Variants in PRKCE observed in about 807,000 individuals in gnomAD.
PRKCE encodes protein kinase C epsilon type.
A neutral mutation model predicts 85.4 loss-of-function variants in PRKCE; 16 were observed. The observed-to-expected ratio is 0.19, with a 90% CI of 0.13 to 0.28. PRKCE has a LOEUF of 0.28. Among genes scored for constraint, PRKCE ranks in the 10% least tolerant of loss-of-function variants. The probability of loss-of-function intolerance (pLI) is 1.00; values close to 1 mark genes in which losing one functional copy is unlikely to be tolerated. For synonymous variants in PRKCE, 388 were observed against 371.5 expected (o/e 1.04, Z -0.51); for missense variants, 573 against 975.2 (o/e 0.59, Z 5.49).
intron 14 of PRKCE, chr2:46,164,599 C>G (rs918554099): frequency 6.5e-6 from 1 of 152,776 alleles, no homozygotes; most frequent in African/African-American, 2.4e-5. Flanking sequence ...GCGGGGGGTG[C>G]CCTGCCTGTC....
intron 4 of PRKCE, 143 bp downstream of exon 4, chr2:45,979,153 T>C: frequency 1.2e-6 from 1 of 804,744 alleles, no homozygotes; most frequent in Admixed American, 2.3e-5. Flanking sequence ...ACTTGACCAT[T>C]ACTTCTGCAT....
chr2:45,763,157 T>C (rs1439791486), intron 1 of PRKCE, among the ~76,000 whole-genome samples: 3 of 152,128 alleles, frequency 2.0e-5, no homozygotes, highest in East Asian at 3.9e-4. Context: ...GGTTTCACCA[T>C]GTTAGCCAGG....
intron 1 of PRKCE, among the ~76,000 whole-genome samples, chr2:45,785,960 G>C (rs1482967041): frequency 6.6e-6 from 1 of 152,162 alleles, no homozygotes; most frequent in Non-Finnish European, 1.5e-5. Context: ...TTAGGCACCT[G>C]CTGCTGAGAC....
At chr2:46,112,623 A>G (rs987539026) in intron 11 of PRKCE, among the ~76,000 whole-genome samples, 2 of 151,946 alleles carry the variant, frequency 1.3e-5, no homozygotes, top group African/African-American at 4.8e-5. Flanking sequence ...GGTTCAGGCA[A>G]TTCTCATGCC....
At chr2:45,904,420 C>T (rs1432138666) in intron 2 of PRKCE, among the ~76,000 whole-genome samples, 2 of 152,070 alleles carry the variant, frequency 1.3e-5, no homozygotes, top group East Asian at 3.9e-4. Context: ...AGTACCACCT[C>T]TCACTTTTGG....
intron 14 of PRKCE, among the ~76,000 whole-genome samples, chr2:46,179,840 TC>T (rs1169978052): frequency 6.6e-6 from 1 of 151,132 alleles, no homozygotes; most frequent in African/African-American, 2.4e-5. Flanking sequence ...ACTACAGCCA[TC>T]CCCCCCAACT....
chr2:45,803,511 A>G (rs1024483254), intron 1 of PRKCE, among the ~76,000 whole-genome samples: 2 of 152,244 alleles, frequency 1.3e-5, no homozygotes, highest in African/African-American at 2.4e-5. Context: ...TATCAGAGAC[A>G]GTGGGAAGGG....
At chr2:45,721,217 T>C (rs1050354675) in intron 1 of PRKCE, among the ~76,000 whole-genome samples, 5 of 152,104 alleles carry the variant, frequency 3.3e-5, no homozygotes, top group African/African-American at 1.2e-4. Flanking sequence ...ACAAGGAAAC[T>C]GAGGCTCTGT....
chr2:46,137,757 C>CAATAAAAA (rs1675139931), intron 11 of PRKCE, among the ~76,000 whole-genome samples: 1 of 118,744 alleles, frequency 8.4e-6, no homozygotes, highest in Non-Finnish European at 1.8e-5. Flanking sequence ...GACCCTGTCT[C>CAATAAAAA]AAAAAAAAAA....
intron 13 of PRKCE, among the ~76,000 whole-genome samples, chr2:46,157,754 A>G (rs1029658560): frequency 6.6e-6 from 1 of 152,198 alleles, no homozygotes; most frequent in Non-Finnish European, 1.5e-5. Context: ...CCCTCCCAGA[A>G]AAGGGAGGAC....
intron 1 of PRKCE, chr2:45,698,024 T>G (rs1275934481): frequency 6.6e-6 from 1 of 152,602 alleles, no homozygotes; most frequent in Admixed American, 6.5e-5. Context: ...GTCAACTCCA[T>G]GTAGATTTAT....
chr2:45,829,878 C>T (rs1192751750), intron 1 of PRKCE, among the ~76,000 whole-genome samples: 1 of 151,656 alleles, frequency 6.6e-6, no homozygotes, highest in Non-Finnish European at 1.5e-5. Context: ...TCGAGACCAT[C>T]CTGGCTAACA....
At chr2:45,994,998 G>A (rs1469524439) in intron 6 of PRKCE, among the ~76,000 whole-genome samples, 8 of 152,184 alleles carry the variant, frequency 5.3e-5, no homozygotes, top group Non-Finnish European at 1.2e-4. Context: ...TAGGTGTGTA[G>A]TGGTATCTCA....
chr2:45,901,272 T>C (rs902881485), intron 2 of PRKCE, among the ~76,000 whole-genome samples: 1 of 152,134 alleles, frequency 6.6e-6, no homozygotes, highest in African/African-American at 2.4e-5. Context: ...TGCTTGAGGA[T>C]TGAGATGGGG....
At position 46,163,121 on chromosome 2, in the gene PRKCE, T is replaced by C. The variant is rs150751757; in HGVS notation, c.2067+3369T>C. On this transcript the variant is annotated intron_variant, in intron 14 of 14. Transcript: ENST00000306156. ...GACCCCGGGGATGTGGGTGCCTGCCTAGCTCAGGTACCAGCAGTGAGGACA... is the reference window on the plus strand; with the variant it reads ...GACCCCGGGGATGTGGGTGCCTGCCCAGCTCAGGTACCAGCAGTGAGGACA... Among the ~76,000 whole-genome samples, 491 of 152,354 alleles carry C rather than the reference T, an allele frequency of 3.2e-3. 3 individuals are homozygous for C. The highest frequency in any genetic ancestry group is 0.011 in the African/African-American group (468 of 41,578).
intron 1 of PRKCE, among the ~76,000 whole-genome samples, chr2:45,696,632 A>G (rs1427035332): frequency 6.6e-6 from 1 of 152,190 alleles, no homozygotes; most frequent in African/African-American, 2.4e-5. Context: ...AATAAGCAAA[A>G]TGCATGACGA....
intron 2 of PRKCE, 65 bp downstream of exon 2, chr2:45,843,128 T>C: frequency 7.2e-7 from 1 of 1,397,648 alleles, no homozygotes; most frequent in Non-Finnish European, 1.0e-6. Flanking sequence ...GGGTCTCTTC[T>C]TTCCCCCCCT....
At chr2:45,837,123 A>T (rs914011034) in intron 1 of PRKCE, among the ~76,000 whole-genome samples, 1 of 152,222 alleles carries the variant, frequency 6.6e-6, no homozygotes, top group African/African-American at 2.4e-5. Context: ...TGACAGCAGC[A>T]CATCAGCCAG....
intron 11 of PRKCE, among the ~76,000 whole-genome samples, chr2:46,099,802 A>G (rs1474639885): frequency 6.6e-6 from 1 of 152,140 alleles, no homozygotes; most frequent in South Asian, 2.1e-4. Flanking sequence ...TTTTCTAAGC[A>G]TATTTGGCTG....
Sources: allele counts gnomAD v4.1 joint callset (sites outside exome capture counted in the v4.1 genomes callset), GRCh38; gene constraint gnomAD v4.1.1; transcripts MANE v1.5; gene names NCBI Gene and HGNC (gene_info 2026-07-23, HGNC 2026-07-21).